SNX29: variants seen among roughly 807,000 people sequenced by gnomAD.
SNX29 encodes the protein sorting nexin 29.
In SNX29, 78 loss-of-function variants were observed where a neutral mutation model predicts 102.1. The observed-to-expected ratio is 0.76, with a 90% confidence interval of 0.64 to 0.92. SNX29 has a LOEUF of 0.92. Ranked by LOEUF, SNX29 falls within the 40% of genes least tolerant of loss-of-function variation. The probability of loss-of-function intolerance (pLI) is 0.00; values close to 1 mark genes in which losing one functional copy is unlikely to be tolerated. For missense variants in SNX29, 1,280 were observed against 1,061.7 expected (o/e 1.21, Z -2.86); for synonymous variants, 580 against 414.5 (o/e 1.40, Z -4.85).
At chr16:12,023,174 G>C (rs958072465) in intron 3 of SNX29, among the ~76,000 whole-genome samples, 2 of 151,836 alleles carry the variant, frequency 1.3e-5, no homozygotes, top group Admixed American at 6.6e-5. Flanking sequence ...TGGTATTATA[G>C]GTGTGAGCTA....
intron 15 of SNX29, among the ~76,000 whole-genome samples, chr16:12,305,409 G>A (rs762820096): frequency 2.6e-5 from 4 of 152,314 alleles, no homozygotes; most frequent in East Asian, 3.9e-4. Flanking sequence ...CGCCGAGGGC[G>A]TCAAGCCCTA....
chr16:12,553,113 C>G (rs2078092046), intron 20 of SNX29, among the ~76,000 whole-genome samples: 1 of 147,612 alleles, frequency 6.8e-6, no homozygotes, highest in African/African-American at 2.7e-5. Flanking sequence ...GGCTTTCAGG[C>G]TGGGAGGGCC....
intron 13 of SNX29, among the ~76,000 whole-genome samples, chr16:12,167,935 C>T (rs1384649785): frequency 6.6e-6 from 1 of 152,166 alleles, no homozygotes; most frequent in East Asian, 1.9e-4. Context: ...GCGTGGCTCA[C>T]AGGCCTGACC....
chr16:12,309,216 A>G (rs1206659836), intron 15 of SNX29, among the ~76,000 whole-genome samples: 1 of 152,214 alleles, frequency 6.6e-6, no homozygotes, highest in East Asian at 1.9e-4. Flanking sequence ...GGTTCAGGAC[A>G]AACAGCCTTT....
At chr16:12,320,885 C>T (rs752159711) in intron 15 of SNX29, among the ~76,000 whole-genome samples, 1 of 152,190 alleles carries the variant, frequency 6.6e-6, no homozygotes, top group African/African-American at 2.4e-5. Flanking sequence ...TTAGGTCCCA[C>T]ATTTGGGTGC....
intron 13 of SNX29, among the ~76,000 whole-genome samples, chr16:12,162,910 C>G (rs1178034191): frequency 6.6e-6 from 1 of 151,952 alleles, no homozygotes; most frequent in Non-Finnish European, 1.5e-5. Context: ...TTGAGACAGT[C>G]TCACTCTGTT....
Position 12,464,229 on chromosome 16 carries a change from C to CGTGTGTGTGT in SNX29, c.2038-13483_2038-13474dup, listed in dbSNP as rs138917966. Reference sequence around the variant, plus strand: ...TTTATGGCTGAATATTATTCCATGGCGTGTGTGTGTGTGTGTACCACATAT... The same window carrying CGTGTGTGTGT: ...TTTATGGCTGAATATTATTCCATGGCGTGTGTGTGTGTGTGTGTGTGTGTGTACCACATAT... On this transcript the variant is annotated intron_variant, in intron 18 of 20. Transcript: ENST00000566228. 4.7e-3 allele frequency among the ~76,000 whole-genome samples: 666 copies of CGTGTGTGTGT among 141,040 alleles called. 13 individuals are homozygous for CGTGTGTGTGT. The highest frequency in any genetic ancestry group is 0.039 in the Admixed American group (557 of 14,180). 92.5% of individuals were successfully genotyped at this position (141,040 alleles called of 152,430 possible).
intron 14 of SNX29, among the ~76,000 whole-genome samples, chr16:12,268,943 A>G (rs2079013585): frequency 6.6e-6 from 1 of 152,170 alleles, no homozygotes; most frequent in Non-Finnish European, 1.5e-5. Flanking sequence ...AGATACCCCC[A>G]AACAGATGTG....
intron 14 of SNX29, among the ~76,000 whole-genome samples, chr16:12,200,781 A>C (rs1448706097): frequency 6.6e-6 from 1 of 152,196 alleles, no homozygotes; most frequent in African/African-American, 2.4e-5. Flanking sequence ...CACCGCTCCC[A>C]GCCCACATGT....
intron 14 of SNX29, among the ~76,000 whole-genome samples, chr16:12,204,821 C>T (rs1451408588): frequency 2.6e-5 from 4 of 152,268 alleles, no homozygotes. Context: ...CGTGCTCTCA[C>T]TGGGGTGTCA....
chr16:12,069,015 T>A (rs771321351), intron 9 of SNX29, 42 bp from the exon 10 acceptor site: 29 of 1,580,836 alleles, frequency 1.8e-5, no homozygotes, highest in Non-Finnish European at 2.3e-5. Flanking sequence ...GAACATGTAG[T>A]GAGAAAAGTG....
At chr16:12,029,863 A>T in intron 4 of SNX29, 2 of 337,418 alleles carry the variant, frequency 5.9e-6, no homozygotes, top group South Asian at 4.7e-5. Context: ...AAGTGCTGGG[A>T]TTACAGGCAT....
chr16:12,019,598 A>C (rs2056957735), intron 3 of SNX29, among the ~76,000 whole-genome samples: 1 of 146,692 alleles, frequency 6.8e-6, no homozygotes, highest in Non-Finnish European at 1.5e-5. Context: ...ATATATAGAT[A>C]GATAGATAGA....
At chr16:12,089,749 G>C in intron 11 of SNX29, 1 of 292,452 alleles carries the variant, frequency 3.4e-6, no homozygotes, top group Non-Finnish European at 6.8e-6. Context: ...CTTGAAGCAG[G>C]GGCGATAGGA....
chr16:12,209,421 C>G (rs1202949109), intron 14 of SNX29, among the ~76,000 whole-genome samples: 1 of 152,132 alleles, frequency 6.6e-6, no homozygotes, highest in Non-Finnish European at 1.5e-5. Flanking sequence ...AACTCCTGGC[C>G]TCAAGTAATC....
rs374057256 is a variant in SNX29, at chr16:12,569,451, C to T, written c.*822C>T. The T allele has an allele frequency of 8.7e-6, 2 of 231,036 alleles. No individual in the cohort carries two copies. The highest frequency in any genetic ancestry group is 2.2e-5 in the African/African-American group (1 of 45,244). The allele number at this position is 231,036 out of a possible 1,614,324, so 14.3% of individuals were successfully genotyped here. On this transcript the variant is annotated 3_prime_UTR_variant, in exon 21 of 21. Transcript: ENST00000566228. ...CGTGTCCAAAGTAGCATTGGCCCTA[C>T]AGTCATGAGAGACTTGGGTCAGGGA...
intron 1 of SNX29, among the ~76,000 whole-genome samples, chr16:11,993,164 CATAAATAAATAA>C (rs34364875): frequency 6.8e-5 from 10 of 146,410 alleles, no homozygotes; most frequent in South Asian, 2.3e-4. Flanking sequence ...GACTCTGTCT[CATAAATAAATAA>C]ATAAATAAAT....
intron 19 of SNX29, among the ~76,000 whole-genome samples, chr16:12,483,174 A>G (rs555585127): frequency 6.7e-4 from 76 of 113,152 alleles, no homozygotes; most frequent in Admixed American, 1.4e-3. Flanking sequence ...TGCCTGGCTA[A>G]TTTTTGTGTG....
chr16:12,191,758 T>C (rs890018944), intron 13 of SNX29, among the ~76,000 whole-genome samples: 2 of 85,934 alleles, frequency 2.3e-5, no homozygotes, highest in Non-Finnish European at 6.4e-5. Flanking sequence ...ACTTGACCTT[T>C]GAAGATTTAG....
Sources: allele counts gnomAD v4.1 joint callset (sites outside exome capture counted in the v4.1 genomes callset), GRCh38; gene constraint gnomAD v4.1.1; transcripts MANE v1.5; gene names NCBI Gene and HGNC (gene_info 2026-07-23, HGNC 2026-07-21).